ZPBP: variants seen among roughly 807,000 people sequenced by gnomAD.
ZPBP encodes zona pellucida binding protein.
ZPBP carries 26 observed loss-of-function variants against 44.8 expected under a neutral mutation model. The ratio of observed to expected loss-of-function variants is 0.58; its 90% CI spans 0.43 to 0.81. The LOEUF (loss-of-function observed/expected upper bound fraction) is 0.81, where lower values mean the gene tolerates loss of function less well. Ranked by LOEUF, ZPBP falls within the 30% of genes least tolerant of loss-of-function variation. The probability of loss-of-function intolerance (pLI) is 0.00; values close to 1 mark genes in which losing one functional copy is unlikely to be tolerated. For synonymous variants in ZPBP, 174 were observed against 153.2 expected (o/e 1.14, Z -1.00); for missense variants, 409 against 434.0 (o/e 0.94, Z 0.51).
chr7:49,984,514 A>C (rs761660662), intron 6 of ZPBP, among the ~76,000 whole-genome samples: 15 of 152,142 alleles, frequency 9.9e-5, no homozygotes, highest in Non-Finnish European at 1.9e-4. Flanking sequence ...TTGGGATGAA[A>C]CTGTTCTACT....
chr7:49,893,444 G>C (rs1792229226), intron 2 of ZPBP, among the ~76,000 whole-genome samples: 1 of 152,072 alleles, frequency 6.6e-6, no homozygotes, highest in Non-Finnish European at 1.5e-5. Context: ...GACAAAATTT[G>C]ATTTTTTTCG....
intron 2 of ZPBP, among the ~76,000 whole-genome samples, chr7:49,889,133 T>C (rs895581142): frequency 6.6e-6 from 1 of 152,184 alleles, no homozygotes; most frequent in African/African-American, 2.4e-5. Flanking sequence ...ACATTACAAA[T>C]GATTATTCCC....
chr7:49,943,464 C>T, intron 7 of ZPBP: 1 of 454,874 alleles, frequency 2.2e-6, no homozygotes, highest in Non-Finnish European at 4.3e-6. Flanking sequence ...TCACAGACCT[C>T]TTGCCAACAT....
intron 2 of ZPBP, among the ~76,000 whole-genome samples, chr7:49,897,684 C>G (rs539766905): frequency 1.3e-5 from 2 of 152,298 alleles, no homozygotes; most frequent in South Asian, 2.1e-4. Context: ...CACAACTTAC[C>G]TGAGCAGAAA....
chr7:49,871,350 C>T (rs186381291), intron 2 of ZPBP, among the ~76,000 whole-genome samples: 3 of 152,174 alleles, frequency 2.0e-5, no homozygotes, highest in East Asian at 1.9e-4. Context: ...TAAGGTATAT[C>T]CCATGGTTTT....
chr7:49,997,657 G>A (rs924662222), intron 6 of ZPBP, among the ~76,000 whole-genome samples: 2 of 152,112 alleles, frequency 1.3e-5, no homozygotes, highest in Non-Finnish European at 2.9e-5. Context: ...AGGCAATGTA[G>A]GATTAATCAC....
chr7:50,070,806 T>C (rs1181857696), intron 3 of ZPBP, among the ~76,000 whole-genome samples: 1 of 152,136 alleles, frequency 6.6e-6, no homozygotes, highest in Non-Finnish European at 1.5e-5. Flanking sequence ...AATTGAGACA[T>C]GTATTATATT....
At chr7:49,876,502 A>G (rs1173262549) in intron 2 of ZPBP, among the ~76,000 whole-genome samples, 1 of 152,176 alleles carries the variant, frequency 6.6e-6, no homozygotes. Context: ...ATCTATAATT[A>G]TAATTCTCAA....
At chr7:50,052,426 C>A (rs1467887301) in intron 4 of ZPBP, among the ~76,000 whole-genome samples, 9 of 152,080 alleles carry the variant, frequency 5.9e-5, no homozygotes, top group Admixed American at 5.9e-4. Context: ...ATCAGAATGG[C>A]TAAAACAAAA....
chr7:49,856,040 A>T (rs1207066148), intron 2 of ZPBP, among the ~76,000 whole-genome samples: 1 of 152,202 alleles, frequency 6.6e-6, no homozygotes, highest in East Asian at 1.9e-4. Context: ...GTTCAGGTAT[A>T]TAAGGCTGCC....
intron 4 of ZPBP, among the ~76,000 whole-genome samples, chr7:50,044,552 A>C (rs1584108607): frequency 6.6e-6 from 1 of 152,340 alleles, no homozygotes; most frequent in East Asian, 1.9e-4. Context: ...CTAGGCAAAT[A>C]AACTACAAAA....
intron 6 of ZPBP, among the ~76,000 whole-genome samples, chr7:49,987,010 TTAC>T (rs1797315773): frequency 6.6e-6 from 1 of 152,144 alleles, no homozygotes; most frequent in South Asian, 2.1e-4. Flanking sequence ...CTCCAACATT[TTAC>T]AGCGGCGGCC....
At chr7:50,090,974 A>T (rs1183950272) in intron 1 of ZPBP, among the ~76,000 whole-genome samples, 10 of 145,756 alleles carry the variant, frequency 6.9e-5, no homozygotes, top group South Asian at 2.2e-4. Context: ...ACCAACATCT[A>T]TTTTTTTTTT....
intron 6 of ZPBP, among the ~76,000 whole-genome samples, chr7:49,998,385 T>C (rs1243825036): frequency 6.6e-6 from 1 of 152,224 alleles, no homozygotes; most frequent in Non-Finnish European, 1.5e-5. Context: ...GCCATTTATG[T>C]GATACTTGAG....
chr7:49,848,183 C>G (rs549049722), downstream of ZPBP, among the ~76,000 whole-genome samples: 7 of 152,176 alleles, frequency 4.6e-5, no homozygotes, highest in Non-Finnish European at 7.4e-5. Flanking sequence ...AGGGGCCCAA[C>G]TTTGAGTGAC....
rs371902722 is a variant in ZPBP at position 50,031,281 on chromosome 7, A to G, written c.517T>C (p.Phe173Leu). Residue 173 changes from phenylalanine (F) to leucine (L), a missense_variant, in exon 5 of 8, where the codon TTC (phenylalanine) becomes CTC (leucine). Phe to Leu is a conservative substitution (Grantham distance 22). This residue lies in a region of ZPBP where 367 missense variants were observed against 363.1 expected (regional missense o/e 1.01). Coordinates refer to ENST00000046087, the MANE Select transcript of ZPBP (RefSeq NM_007009.3). ...GGAGCTGCATGATATCGAGCTGTGA[A>G]CTGATAATAATAATGAGGCTCACGA... ...AYREPHYYYQ[F>L]TARYHAAPCN... 16 of 1,611,200 alleles carry G rather than the reference A, an allele frequency of 9.9e-6. No individual in the cohort carries two copies. The highest frequency in any genetic ancestry group is 1.3e-5 in the African/African-American group (1 of 74,830).
chr7:49,962,275 T>A (rs1795891401), intron 7 of ZPBP, among the ~76,000 whole-genome samples: 1 of 151,862 alleles, frequency 6.6e-6, no homozygotes, highest in Admixed American at 6.6e-5. Context: ...CATATAAAAA[T>A]TAAAAATATA....
chr7:50,043,168 G>T (rs1180734965), intron 4 of ZPBP, among the ~76,000 whole-genome samples: 1 of 152,130 alleles, frequency 6.6e-6, no homozygotes, highest in Admixed American at 6.5e-5. Context: ...CCCTTGTTTC[G>T]TCCCATCCCT....
At chr7:49,964,746 T>C (rs974610981) in intron 7 of ZPBP, among the ~76,000 whole-genome samples, 3 of 152,108 alleles carry the variant, frequency 2.0e-5, no homozygotes, top group South Asian at 2.1e-4. Context: ...TGGCAAATAC[T>C]ATATGCTCAT....
Sources: gnomAD v4.1 joint callset for allele counts (sites outside exome capture counted in the v4.1 genomes callset) on GRCh38, gnomAD v4.1.1 for gene constraint, gnomAD v4.1.1 regional missense constraint, MANE v1.5 for transcripts, NCBI Gene and HGNC (gene_info 2026-07-23, HGNC 2026-07-21) for gene names.